Variants in GPR158 observed in about 807,000 individuals in gnomAD.
The protein encoded by GPR158 is G protein-coupled receptor 158, also known as metabotropic glycine receptor.
A neutral mutation model predicts 78.2 loss-of-function variants in GPR158; 30 were observed. That is an observed-to-expected ratio of 0.38 (90% CI 0.29 to 0.52). The LOEUF (loss-of-function observed/expected upper bound fraction) is 0.52. Among genes scored for constraint, GPR158 ranks in the 20% least tolerant of loss-of-function variants. The pLI is 0.83. For synonymous variants in GPR158, 581 were observed against 591.1 expected (o/e 0.98, Z 0.25); for missense variants, 1,463 against 1,523.5 (o/e 0.96, Z 0.66).
At chr10:25,433,557 G>GTTGTGTGTGTGT (rs71508735) in intron 4 of GPR158, among the ~76,000 whole-genome samples, 5 of 143,110 alleles carry the variant, frequency 3.5e-5, no homozygotes, top group East Asian at 4.0e-4. Context: ...TTGTGTGTGT[G>GTTGTGTGTGTGT]TGTGTGTGTG....
chr10:25,574,899 C>T (rs10828831), intron 7 of GPR158, among the ~76,000 whole-genome samples: 70,692 of 151,364 alleles, frequency 0.47, 16,949 homozygotes, highest in African/African-American at 0.54. Context: ...AAATAAAAAA[C>T]AAAAAAAATA....
chr10:25,549,622 A>G lies in GPR158; in HGVS notation c.1405-1354A>G, dbSNP rs184633062. 6.6e-5 allele frequency among the ~76,000 whole-genome samples: 10 copies of G among 152,250 alleles called. No homozygotes were observed. The East Asian group carries it at 1.7e-3, about 26-fold the overall frequency. ...AATATTTTTGCTTGACTTCAGGAGC[A>G]CGCAAAACAACATTGTCTCCTGTTC... On this transcript the variant is annotated intron_variant, in intron 5 of 10. Coordinates refer to ENST00000376351, the MANE Select transcript of GPR158 (RefSeq NM_020752.3).
intron 2 of GPR158, among the ~76,000 whole-genome samples, chr10:25,282,941 GATA>G (rs374522657): frequency 2.6e-5 from 4 of 152,136 alleles, no homozygotes; most frequent in African/African-American, 4.8e-5. Context: ...TTGTGTCTAT[GATA>G]ATGAGAGGTA....
At chr10:25,383,479 AG>A (rs1372341640) in intron 2 of GPR158, among the ~76,000 whole-genome samples, 1 of 152,134 alleles carries the variant, frequency 6.6e-6, no homozygotes. Flanking sequence ...CTGAGGCACA[AG>A]GGGGGTTTCG....
chr10:25,591,377 A>G (rs1217940461), intron 8 of GPR158, among the ~76,000 whole-genome samples: 2 of 152,170 alleles, frequency 1.3e-5, no homozygotes, highest in Non-Finnish European at 2.9e-5. Context: ...GACGGGAAGT[A>G]CATGTTAAAT....
At chr10:25,437,666 A>G (rs1835015364) in intron 4 of GPR158, among the ~76,000 whole-genome samples, 1 of 152,180 alleles carries the variant, frequency 6.6e-6, no homozygotes, top group African/African-American at 2.4e-5. Context: ...GATTGATTTG[A>G]TGATTATGAA....
intron 5 of GPR158, among the ~76,000 whole-genome samples, chr10:25,526,754 G>T (rs181671158): frequency 1.3e-5 from 2 of 152,306 alleles, no homozygotes; most frequent in African/African-American, 4.8e-5. Context: ...TACATAGGCA[G>T]AGCTGGTCCA....
chr10:25,589,176 A>T, intron 8 of GPR158, 31 bp downstream of exon 8: 1 of 1,526,642 alleles, frequency 6.6e-7, no homozygotes, highest in Non-Finnish European at 9.0e-7. Flanking sequence ...GTAAATAACT[A>T]TTTTATTTTT....
chr10:25,435,232 G>T (rs1044874268), intron 4 of GPR158, among the ~76,000 whole-genome samples: 4 of 152,024 alleles, frequency 2.6e-5, no homozygotes, highest in Non-Finnish European at 5.9e-5. Context: ...ATCTTGTAGG[G>T]GTGTAAAGAC....
intron 2 of GPR158, among the ~76,000 whole-genome samples, chr10:25,283,803 T>G (rs770049335): frequency 6.6e-5 from 10 of 152,074 alleles, no homozygotes; most frequent in Non-Finnish European, 1.2e-4. Context: ...TGATATATTG[T>G]ATTTTTATTT....
At chr10:25,251,002 T>A (rs1194990422) in intron 2 of GPR158, among the ~76,000 whole-genome samples, 1 of 151,860 alleles carries the variant, frequency 6.6e-6, no homozygotes, top group African/African-American at 2.4e-5. Flanking sequence ...TGCTCCTGTA[T>A]TGGGTGCATA....
intron 4 of GPR158, among the ~76,000 whole-genome samples, chr10:25,441,266 A>G (rs751423272): frequency 5.5e-4 from 84 of 152,296 alleles, no homozygotes; most frequent in Non-Finnish European, 1.0e-3. Flanking sequence ...ACCTGCTTCT[A>G]TTTAAAGGTA....
intron 2 of GPR158, among the ~76,000 whole-genome samples, chr10:25,312,927 G>A (rs903062029): frequency 6.6e-6 from 1 of 151,954 alleles, no homozygotes; most frequent in African/African-American, 2.4e-5. Context: ...ATCAGTAAAA[G>A]TATCAGTACA....
rs1242925867 is a variant in GPR158, at chr10:25,540,943, AAAAT to A, written c.1405-10031_1405-10028del. The stretch of plus-strand genomic sequence containing the variant: ...GTACCCTAGAACTTAAAGTATAATA[AAAAT>A]ATATATATATATATATATATATATA... On this transcript the variant is annotated intron_variant, in intron 5 of 10. Transcript: ENST00000376351. Among the ~76,000 whole-genome samples, 245 of 63,452 alleles carry A rather than the reference AAAAT, an allele frequency of 3.9e-3. 3 individuals carry two copies. The South Asian group carries it at 0.067, about 17-fold the overall frequency. The allele number at this position is 63,452 out of a possible 152,430, so 41.6% of individuals were successfully genotyped here.
chr10:25,290,442 T>C (rs1203912251), intron 2 of GPR158, among the ~76,000 whole-genome samples: 1 of 152,120 alleles, frequency 6.6e-6, no homozygotes, highest in East Asian at 1.9e-4. Flanking sequence ...ACAGAATCCA[T>C]TGAAAAAGCT....
At position 25,598,876 on chromosome 10, in the gene GPR158, G is replaced by A; in HGVS notation, c.3250G>A (p.Asp1084Asn). 6.2e-7 allele frequency: 1 copy of A among 1,614,122 alleles called. No individual in the cohort carries two copies. Among genetic ancestry groups the A allele is most frequent in the East Asian group, 2.2e-5 (1 of 44,868 alleles). ...WESQGQSILE[D>N]EKLLISKTPV... ...GAGCCAAGGCCAGTCCATTTTGGAA[G>A]ATGAGAAGCTTTTGATTTCCAAGAC... The change falls in exon 11 of 11, where the codon GAT becomes AAT. Residue 1084 changes from aspartate to asparagine, a missense_variant. Physicochemically the swap from Asp to Asn is conservative, Grantham distance 23 (BLOSUM62 1). Coordinates refer to ENST00000376351, the MANE Select transcript of GPR158 (RefSeq NM_020752.3).
intron 2 of GPR158, among the ~76,000 whole-genome samples, chr10:25,224,927 T>C (rs1310138414): frequency 1.3e-5 from 2 of 152,108 alleles, no homozygotes; most frequent in Non-Finnish European, 2.9e-5. Context: ...GACTAGGACA[T>C]TTTATTTCCA....
chr10:25,348,199 G>A (rs994686712), intron 2 of GPR158, among the ~76,000 whole-genome samples: 1 of 151,852 alleles, frequency 6.6e-6, no homozygotes, highest in African/African-American at 2.4e-5. Flanking sequence ...AGGTTTTCAT[G>A]TTTCAGTGAT....
At chr10:25,197,505 A>C (rs1027239207) in intron 1 of GPR158, among the ~76,000 whole-genome samples, 13 of 152,214 alleles carry the variant, frequency 8.5e-5, no homozygotes, top group African/African-American at 3.1e-4. Context: ...CCAGCATAAA[A>C]AAGAGTATTT....
Sources: gnomAD v4.1 joint callset for allele counts (sites outside exome capture counted in the v4.1 genomes callset) on GRCh38, gnomAD v4.1.1 for gene constraint, MANE v1.5 for transcripts, NCBI Gene and HGNC (gene_info 2026-07-23, HGNC 2026-07-21) for gene names.